Variants in FOXJ3 observed in about 807,000 individuals in gnomAD.
The protein encoded by FOXJ3 is forkhead box protein J3.
Under a neutral mutation model 76.1 loss-of-function variants are expected in FOXJ3, and 22 were observed. The ratio of observed to expected loss-of-function variants is 0.29; its 90% CI spans 0.21 to 0.41. The LOEUF (loss-of-function observed/expected upper bound fraction) is 0.41, where lower values mean the gene tolerates loss of function less well. FOXJ3 is among the 10% of genes least tolerant of loss of function. The pLI is 1.00. For synonymous variants in FOXJ3, 269 were observed against 261.2 expected (o/e 1.03, Z -0.29); for missense variants, 613 against 762.1 (o/e 0.80, Z 2.30).
At position 42,188,948 on chromosome 1, in the gene FOXJ3, A is replaced by T. The variant is rs750923969; in HGVS notation, c.1454-20T>A. 6.6e-7 allele frequency: 1 copy of T among 1,507,130 alleles called. No individual in the cohort carries two copies. Among genetic ancestry groups the T allele is most frequent in the East Asian group, 2.3e-5 (1 of 43,650 alleles). The allele number at this position is 1,507,130 out of a possible 1,614,324, so 93.4% of individuals were successfully genotyped here. ...TCAGACCTATGAGGAAAGCATTAAA[A>T]ATATGTTAGCACTGTTATGCAATAA... On this transcript the variant is annotated intron_variant, in intron 10 of 12. Coordinates refer to ENST00000361346, the MANE Select transcript of FOXJ3 (RefSeq NM_014947.5).
chr1:42,187,108 A>C (rs938171285), intron 11 of FOXJ3, among the ~76,000 whole-genome samples: 1 of 151,378 alleles, frequency 6.6e-6, no homozygotes, highest in Non-Finnish European at 1.5e-5. Flanking sequence ...TCGGCCTCCC[A>C]AAGTGCTGGG....
intron 2 of FOXJ3, among the ~76,000 whole-genome samples, chr1:42,289,621 G>A (rs1416230707): frequency 6.6e-6 from 1 of 152,140 alleles, no homozygotes; most frequent in Non-Finnish European, 1.5e-5. Flanking sequence ...GCACATGTCA[G>A]GCTTTGCATG....
chr1:42,313,844 T>G (rs1041750469), intron 1 of FOXJ3, among the ~76,000 whole-genome samples: 3 of 152,192 alleles, frequency 2.0e-5, no homozygotes, highest in Non-Finnish European at 4.4e-5. Flanking sequence ...TCTTTACTGT[T>G]TTATGTGTGA....
intron 3 of FOXJ3, among the ~76,000 whole-genome samples, 173 bp downstream of exon 3, chr1:42,278,175 A>G (rs984642582): frequency 2.0e-5 from 3 of 152,126 alleles, no homozygotes; most frequent in Non-Finnish European, 4.4e-5. Context: ...CACACTAATA[A>G]TCTACCAAAA....
chr1:42,278,781 A>C, intron 2 of FOXJ3, 109 bp from the exon 3 acceptor site: 4 of 743,204 alleles, frequency 5.4e-6, no homozygotes, highest in South Asian at 1.9e-5. Flanking sequence ...AGCCTGAGTT[A>C]CATCTGGAGG....
At chr1:42,260,737 T>C (rs532281073) in intron 4 of FOXJ3, among the ~76,000 whole-genome samples, 57 of 152,284 alleles carry the variant, frequency 3.7e-4, no homozygotes, top group African/African-American at 1.3e-3. Context: ...AGCAGTGAAT[T>C]TGTTATTTCC....
rs113400350 is a variant in FOXJ3 at position 42,291,180 on chromosome 1, T to G, written c.45-12508A>C. Among the ~76,000 whole-genome samples, 1,028 of 152,290 alleles carry G rather than the reference T, an allele frequency of 6.8e-3. 3 individuals are homozygous for G. The highest frequency in any genetic ancestry group is 0.01 in the Non-Finnish European group (705 of 68,036). ...AAAGGAAAGACTTTTCAAAAAATTA[T>G]GTTGAAACAATTGTCTGCATGGGAG... On this transcript the variant is annotated intron_variant, in intron 2 of 12. Transcript: ENST00000361346.
intron 1 of FOXJ3, among the ~76,000 whole-genome samples, chr1:42,319,178 T>A (rs1163417894): frequency 1.3e-5 from 2 of 152,158 alleles, no homozygotes; most frequent in Admixed American, 1.3e-4. Flanking sequence ...TGCAGTGAGC[T>A]GTGATCGTGT....
intron 1 of FOXJ3, among the ~76,000 whole-genome samples, chr1:42,325,364 A>T (rs1165095740): frequency 6.6e-6 from 1 of 152,246 alleles, no homozygotes; most frequent in Non-Finnish European, 1.5e-5. Flanking sequence ...CAAGCTACTC[A>T]TTCTGCCTTT....
At chr1:42,206,324 C>A (rs777685859) in intron 5 of FOXJ3, among the ~76,000 whole-genome samples, 1 of 152,182 alleles carries the variant, frequency 6.6e-6, no homozygotes, top group Non-Finnish European at 1.5e-5. Context: ...TGGGTCATGT[C>A]TTTGAAAGAA....
intron 2 of FOXJ3, among the ~76,000 whole-genome samples, chr1:42,301,955 C>T (rs1461090874): frequency 6.6e-6 from 1 of 151,938 alleles, no homozygotes; most frequent in South Asian, 2.1e-4. Context: ...TTTGAATTTG[C>T]TTTCATTTGG....
chr1:42,277,427 C>T (rs1464655250), intron 3 of FOXJ3, among the ~76,000 whole-genome samples: 1 of 151,856 alleles, frequency 6.6e-6, no homozygotes, highest in African/African-American at 2.4e-5. Flanking sequence ...CTTTGGGAGG[C>T]CGAGGCGGGC....
At chr1:42,318,624 C>T (rs145343661) in intron 1 of FOXJ3, among the ~76,000 whole-genome samples, 1,730 of 152,214 alleles carry the variant, frequency 0.011, 38 homozygotes, top group African/African-American at 0.04. Flanking sequence ...GGATTACAGG[C>T]GTGAGCCACT....
chr1:42,313,332 C>A (rs1235770204), intron 1 of FOXJ3, among the ~76,000 whole-genome samples: 2 of 148,114 alleles, frequency 1.4e-5, no homozygotes, highest in South Asian at 2.2e-4. Context: ...AGCAAAATTC[C>A]GTCTCAAAAA....
Position 42,275,835 on chromosome 1 carries a change from C to T in FOXJ3, c.369+2513G>A, listed in dbSNP as rs547519398. On this transcript the variant is annotated intron_variant, in intron 3 of 12. Coordinates refer to ENST00000361346, the MANE Select transcript of FOXJ3 (RefSeq NM_014947.5). Reference sequence around the variant, plus strand: ...CATCTCAAGGTGCCAAAAAAAAGGGCTAAGCAAACAGAAGTATGGGGCCAG... The same window carrying T: ...CATCTCAAGGTGCCAAAAAAAAGGGTTAAGCAAACAGAAGTATGGGGCCAG... 3.9e-5 allele frequency among the ~76,000 whole-genome samples: 6 copies of T among 152,114 alleles called. No individual in the cohort carries two copies. In the East Asian group the frequency reaches 1.2e-3, roughly 29 times the overall value.
chr1:42,276,828 C>G (rs571189950), intron 3 of FOXJ3, among the ~76,000 whole-genome samples: 40 of 152,172 alleles, frequency 2.6e-4, no homozygotes, highest in Non-Finnish European at 4.9e-4. Context: ...ATGTTATGCA[C>G]AAAAGGCCAT....
At chr1:42,242,135 T>G (rs551656592) in intron 4 of FOXJ3, among the ~76,000 whole-genome samples, 1 of 151,918 alleles carries the variant, frequency 6.6e-6, no homozygotes, top group African/African-American at 2.4e-5. Context: ...CCCTAGGAAA[T>G]TCAATCTAAA....
At chr1:42,188,697 G>A (rs1287922753) in intron 11 of FOXJ3, 40 bp downstream of exon 11, 3 of 1,353,394 alleles carry the variant, frequency 2.2e-6, no homozygotes, top group East Asian at 5.1e-5. Context: ...TCGTACGAAT[G>A]AGAAAATGAG....
intron 2 of FOXJ3, among the ~76,000 whole-genome samples, chr1:42,288,905 CTTG>C (rs1235986967): frequency 6.6e-6 from 1 of 152,114 alleles, no homozygotes; most frequent in African/African-American, 2.4e-5. Context: ...TTACATAAAA[CTTG>C]TTATCTATGT....
Sources: gnomAD v4.1 joint callset for allele counts (sites outside exome capture counted in the v4.1 genomes callset) on GRCh38, gnomAD v4.1.1 for gene constraint, MANE v1.5 for transcripts, NCBI Gene and HGNC (gene_info 2026-07-23, HGNC 2026-07-21) for gene names.